The following PHF20 variants were observed in gnomAD, a reference collection of about 807,000 sequenced individuals.
PHF20 encodes PHD finger protein 20, also known as glioma-expressed antigen 2.
Under a neutral mutation model 113.5 loss-of-function variants are expected in PHF20, and 23 were observed. That is an observed-to-expected ratio of 0.20 (90% CI 0.15 to 0.29). PHF20 has a LOEUF of 0.29. Among genes scored for constraint, PHF20 ranks in the 10% least tolerant of loss-of-function variants. The pLI is 1.00. For missense variants in PHF20, 943 were observed against 1,219.6 expected (o/e 0.77, Z 3.38); for synonymous variants, 434 against 457.3 (o/e 0.95, Z 0.65).
chr20:35,794,242 G>A (rs896577030), intron 1 of PHF20, among the ~76,000 whole-genome samples: 5 of 150,756 alleles, frequency 3.3e-5, no homozygotes, highest in African/African-American at 1.2e-4. Context: ...GGAGGTTGCA[G>A]TGAGCCGAGA....
At chr20:35,913,192 A>T (rs1372591948) in intron 10 of PHF20, 57 bp from the exon 11 acceptor site, 1 of 1,285,292 alleles carries the variant, frequency 7.8e-7, no homozygotes, top group African/African-American at 1.5e-5. Context: ...GAGAAGAATA[A>T]GCACCCCAGC....
intron 2 of PHF20, among the ~76,000 whole-genome samples, chr20:35,807,451 C>T (rs2041904621): frequency 6.6e-6 from 1 of 150,716 alleles, no homozygotes; most frequent in Non-Finnish European, 1.5e-5. Flanking sequence ...CTCCCAGGCT[C>T]AAGCAGTTCT....
chr20:35,786,031 CA>C (rs1289907333), intron 1 of PHF20, among the ~76,000 whole-genome samples: 1,640 of 75,212 alleles, frequency 0.022, 18 homozygotes, highest in Non-Finnish European at 0.027. Flanking sequence ...AACTCCATCT[CA>C]AAAAAAAAAA....
At chr20:35,821,939 T>G (rs145178064) in intron 2 of PHF20, among the ~76,000 whole-genome samples, 1 of 152,154 alleles carries the variant, frequency 6.6e-6, no homozygotes, top group Non-Finnish European at 1.5e-5. Context: ...TACCACATGC[T>G]GAAATGGGGT....
Position 35,913,309 on chromosome 20 carries a change from C to T in PHF20, c.1622C>T (p.Pro541Leu), listed in dbSNP as rs2055342168. ...KKFKEFVRVK[P>L]KKKKKKKKKT... ...TTCAAGGAGTTTGTGAGAGTGAAGC[C>T]AAAGAAGAAAAAGAAAAAGAAAAAG... The change falls in exon 11 of 18, where the codon CCA becomes CTA. Residue 541 changes from proline to leucine, a missense_variant. Physicochemically the swap from Pro to Leu is moderately conservative, Grantham distance 98. Transcript: ENST00000374012. 1 of 1,600,558 alleles carries T rather than the reference C, an allele frequency of 6.2e-7. No individual in the cohort carries two copies. Among genetic ancestry groups the T allele is most frequent in the African/African-American group, 1.4e-5 (1 of 73,912 alleles).
At chr20:35,781,083 C>G (rs367645402) in intron 1 of PHF20, among the ~76,000 whole-genome samples, 2 of 152,018 alleles carry the variant, frequency 1.3e-5, no homozygotes, top group East Asian at 3.9e-4. Context: ...GAACCCCTGA[C>G]CTCAGGTGCT....
chr20:35,868,612 A>AACAAG (rs144718763), intron 6 of PHF20, among the ~76,000 whole-genome samples: 2 of 151,216 alleles, frequency 1.3e-5, no homozygotes, highest in African/African-American at 4.9e-5. Context: ...TCTCAAAAAA[A>AACAAG]CAAGCAAGCA....
At chr20:35,881,048 CT>C (rs773060725) in intron 9 of PHF20, among the ~76,000 whole-genome samples, 222 of 109,742 alleles carry the variant, frequency 2.0e-3, no homozygotes, top group East Asian at 6.4e-3. Flanking sequence ...CTCTAAATAC[CT>C]TTTTTTTTTT....
chr20:35,938,731 C>G lies in PHF20; in HGVS notation c.2335C>G (p.Gln779Glu). ...GCATCCTGATCTGCCGCTGTGGTGCCAGCCTTGGAAACAGCACTCAGGGGA... is the reference window on the plus strand; with the variant it reads ...GCATCCTGATCTGCCGCTGTGGTGCGAGCCTTGGAAACAGCACTCAGGGGA... Reference protein sequence around the residue: ...REHPDLPLWCQPWKQHSGEGR... With the variant: ...REHPDLPLWCEPWKQHSGEGR... The change falls in exon 16 of 18, where the codon CAG (glutamine) becomes GAG (glutamate). Residue 779 changes from glutamine to glutamate, a missense_variant. By Grantham distance (29) the Gln-to-Glu change is conservative (BLOSUM62 2). Coordinates refer to ENST00000374012, the MANE Select transcript of PHF20 (RefSeq NM_016436.5). The G allele has an allele frequency of 1.2e-6, 2 of 1,613,008 alleles. No individual in the cohort carries two copies. The highest frequency in any genetic ancestry group is 1.7e-6 in the Non-Finnish European group (2 of 1,179,414).
intron 1 of PHF20, among the ~76,000 whole-genome samples, chr20:35,792,677 G>T (rs576459071): frequency 6.6e-6 from 1 of 151,908 alleles, no homozygotes; most frequent in Non-Finnish European, 1.5e-5. Context: ...CTAAAGATAC[G>T]CTCTTTATGC....
rs2056107658 is a variant in PHF20, at chr20:35,947,526, C to G, written c.2938C>G (p.Pro980Ala). 6.2e-7 allele frequency: 1 copy of G among 1,613,998 alleles called. No individual in the cohort carries two copies. The highest frequency in any genetic ancestry group is 1.7e-5 in the Admixed American group (1 of 60,000). Residue 980 changes from proline to alanine, a missense_variant, in exon 18 of 18, where the codon CCT (proline) becomes GCT (alanine). Coordinates refer to ENST00000374012, the MANE Select transcript of PHF20 (RefSeq NM_016436.5). ...WLDYTGELEP[P>A]EPLARLPQLK... The stretch of plus-strand genomic sequence containing the variant: ...GGACTACACTGGGGAACTGGAGCCC[C>G]CTGAGCCGCTGGCCAGGCTTCCGCA...
At chr20:35,895,747 C>T (rs958215756) in intron 9 of PHF20, among the ~76,000 whole-genome samples, 2 of 141,258 alleles carry the variant, frequency 1.4e-5, no homozygotes, top group African/African-American at 5.5e-5. Flanking sequence ...AATGCAATGG[C>T]GCGATCTCAG....
chr20:35,891,376 CAAAA>C (rs11475386), intron 9 of PHF20, among the ~76,000 whole-genome samples: 2 of 76,620 alleles, frequency 2.6e-5, no homozygotes, highest in Non-Finnish European at 3.0e-5. Context: ...GACTCTATGT[CAAAA>C]AAAAAAAAAA....
chr20:35,869,742 C>G (rs1343352792), intron 7 of PHF20, among the ~76,000 whole-genome samples, 191 bp downstream of exon 7: 1 of 152,170 alleles, frequency 6.6e-6, no homozygotes, highest in Non-Finnish European at 1.5e-5. Context: ...AAAGCACAAA[C>G]TGTACTAATG....
At chr20:35,937,468 CAA>C (rs910713509) in intron 15 of PHF20, among the ~76,000 whole-genome samples, 9 of 97,124 alleles carry the variant, frequency 9.3e-5, no homozygotes, top group Admixed American at 1.1e-4. Flanking sequence ...AACTCCGTCT[CAA>C]AAAAAAAAAA....
chr20:35,942,404 G>T (rs1373402121), intron 17 of PHF20, among the ~76,000 whole-genome samples: 2 of 152,222 alleles, frequency 1.3e-5, no homozygotes, highest in African/African-American at 4.8e-5. Flanking sequence ...TGGCTCTGTA[G>T]TCCCTGAAAA....
At chr20:35,839,403 A>G (rs2043980812) in intron 2 of PHF20, among the ~76,000 whole-genome samples, 1 of 151,926 alleles carries the variant, frequency 6.6e-6, no homozygotes, top group Non-Finnish European at 1.5e-5. Context: ...AAAAAAAAAA[A>G]AAAAAAAAGA....
chr20:35,919,838 G>A (rs1297786797), intron 13 of PHF20, among the ~76,000 whole-genome samples: 1 of 152,190 alleles, frequency 6.6e-6, no homozygotes, highest in Non-Finnish European at 1.5e-5. Flanking sequence ...TAGATTCACA[G>A]GAGATTGTAA....
intron 5 of PHF20, among the ~76,000 whole-genome samples, chr20:35,859,880 C>T (rs1447481538): frequency 6.6e-6 from 1 of 152,022 alleles, no homozygotes; most frequent in Admixed American, 6.6e-5. Flanking sequence ...AATGATTCTA[C>T]TTATCAGAGA....
Sources: allele counts gnomAD v4.1 joint callset (sites outside exome capture counted in the v4.1 genomes callset), GRCh38; gene constraint gnomAD v4.1.1; transcripts MANE v1.5; gene names NCBI Gene and HGNC (gene_info 2026-07-23, HGNC 2026-07-21).